Variants in DOCK11 observed in about 807,000 individuals in gnomAD.
DOCK11 encodes dedicator of cytokinesis 11, also known as dedicator of cytokinesis protein 11.
DOCK11 carries 70 observed loss-of-function variants against 169.1 expected under a neutral mutation model. That is an observed-to-expected ratio of 0.41 (90% CI 0.34 to 0.51). DOCK11 has a LOEUF of 0.51. DOCK11 is among the 20% of genes least tolerant of loss of function. The pLI, the probability that DOCK11 is intolerant of heterozygous loss-of-function variation, is 0.10. For synonymous variants in DOCK11, 529 were observed against 541.3 expected (o/e 0.98, Z 0.32); for missense variants, 1,166 against 1,538.8 (o/e 0.76, Z 4.05).
chrX:118,541,499 G>A (rs184633666), intron 1 of DOCK11, among the ~76,000 whole-genome samples: 9 of 111,948 alleles, frequency 8.0e-5, no homozygotes, highest in Admixed American at 3.8e-4. Context: ...AGTGGGTGCC[G>A]TCTTTGTGTA....
intron 20 of DOCK11, among the ~76,000 whole-genome samples, chrX:118,593,826 C>T (rs186402602): frequency 1.3e-4 from 14 of 111,929 alleles, no homozygotes; most frequent in Admixed American, 4.7e-4. Context: ...TTTAAAAGTT[C>T]ATTGGTAAAA....
At chrX:118,652,911 C>G (rs1185867458) in intron 42 of DOCK11, among the ~76,000 whole-genome samples, 1 of 112,106 alleles carries the variant, frequency 8.9e-6, no homozygotes, top group Non-Finnish European at 1.9e-5. Flanking sequence ...TGTGTAGAAT[C>G]TAAGTACCAA....
At chrX:118,496,468 A>G (rs752539386) in intron 1 of DOCK11, among the ~76,000 whole-genome samples, 13 of 112,821 alleles carry the variant, frequency 1.2e-4, no homozygotes, top group South Asian at 3.6e-4. Context: ...CCCTCCCGCG[A>G]GCACCTGAGG....
chrX:118,538,723 G>C (rs1374479772), intron 1 of DOCK11: 1 of 731,568 alleles, frequency 1.4e-6, no homozygotes, highest in East Asian at 1.5e-4. Flanking sequence ...ACGGGTTTTT[G>C]GAGTTATGAA....
chrX:118,511,550 A>T (rs776268287), intron 1 of DOCK11, among the ~76,000 whole-genome samples: 53 of 111,431 alleles, frequency 4.8e-4, no homozygotes, highest in African/African-American at 1.6e-3. Context: ...GGCTTATTTG[A>T]TTTTATTTTG....
intron 35 of DOCK11, among the ~76,000 whole-genome samples, chrX:118,636,142 T>A (rs1471082347): frequency 8.9e-6 from 1 of 111,908 alleles, no homozygotes; most frequent in Non-Finnish European, 1.9e-5. Context: ...GATGCTGAAC[T>A]AATTACCAAT....
At chrX:118,510,110 A>G (rs1422324439) in intron 1 of DOCK11, among the ~76,000 whole-genome samples, 2 of 111,968 alleles carry the variant, frequency 1.8e-5, no homozygotes, top group African/African-American at 6.5e-5. Context: ...GTAAAGTAAC[A>G]TATTCACAGG....
At chrX:118,565,726 A>G (rs936814594) in intron 7 of DOCK11, among the ~76,000 whole-genome samples, 1 of 111,811 alleles carries the variant, frequency 8.9e-6, no homozygotes, top group African/African-American at 3.3e-5. Context: ...AGGATGCCAA[A>G]AGGCCTTAAA....
intron 6 of DOCK11, among the ~76,000 whole-genome samples, chrX:118,554,721 A>G (rs1277072816): frequency 9.0e-6 from 1 of 111,642 alleles, no homozygotes; most frequent in Non-Finnish European, 1.9e-5. Context: ...AGTGAATCAG[A>G]AAGGAGAAAG....
At position 118,680,653 on chromosome X, in the gene DOCK11, T is replaced by C. The variant is rs761215018; in HGVS notation, c.5632T>C (p.Cys1878Arg). The C allele has an allele frequency of 3.3e-6, 4 of 1,206,655 alleles. No homozygotes were observed. In the African/African-American group the frequency reaches 7.0e-5, roughly 21 times the overall value. ...PYTLSGKKQGCIEEQCKRRTI... is the reference protein window; with the variant it reads ...PYTLSGKKQGRIEEQCKRRTI... ...CACTTTATCAGGCAAAAAACAGGGCTGTATAGAAGAACAGTGCAAACGCCG... is the reference window on the plus strand; with the variant it reads ...CACTTTATCAGGCAAAAAACAGGGCCGTATAGAAGAACAGTGCAAACGCCG... The change falls in exon 49 of 53, where the codon TGT becomes CGT. Residue 1878 changes from cysteine (C) to arginine (R), a missense_variant. Transcript: ENST00000276202.
chrX:118,525,827 AAAAAAG>A (rs1309801211), intron 1 of DOCK11, among the ~76,000 whole-genome samples: 1 of 111,637 alleles, frequency 9.0e-6, no homozygotes, highest in Non-Finnish European at 1.9e-5. Context: ...GAAAAGGAAA[AAAAAAG>A]AAAAAGAACG....
Position 118,643,512 on chromosome X carries a change from T to C in DOCK11, c.4316T>C (p.Ile1439Thr). The change falls in exon 40 of 53, where the codon ATA becomes ACA. Residue 1439 changes from isoleucine (I) to threonine (T), a missense_variant. Physicochemically the swap from Ile to Thr is moderately conservative, Grantham distance 89. Transcript: ENST00000276202. ...HNPLMKKVFDIHLAFLKNGQS... is the reference protein window; with the variant it reads ...HNPLMKKVFDTHLAFLKNGQS... Reference sequence around the variant, plus strand: ...CCATTAATGAAAAAAGTGTTTGATATACATCTTGCTTTTCTTAAAAATGGA... The same window carrying C: ...CCATTAATGAAAAAAGTGTTTGATACACATCTTGCTTTTCTTAAAAATGGA... The C allele has an allele frequency of 8.3e-7, 1 of 1,210,377 alleles. No individual in the cohort carries two copies. The highest frequency in any genetic ancestry group is 1.1e-6 in the Non-Finnish European group (1 of 894,411).
chrX:118,519,498 C>T lies in DOCK11; in HGVS notation c.103-23227C>T, dbSNP rs181176560. Reference sequence around the variant, plus strand: ...CTGGGAGGTGGAGGTTGCAGTGAACCACTGCACTCCAGCCTGTGCAACAGA... The same window carrying T: ...CTGGGAGGTGGAGGTTGCAGTGAACTACTGCACTCCAGCCTGTGCAACAGA... On this transcript the variant is annotated intron_variant, in intron 1 of 52. Coordinates refer to ENST00000276202, the MANE Select transcript of DOCK11 (RefSeq NM_144658.4). Among the ~76,000 whole-genome samples the T allele has an allele frequency of 1.8e-3, 198 of 111,976 alleles. 1 individual carries two copies. Among genetic ancestry groups the T allele is most frequent in the African/African-American group, 6.1e-3 (189 of 30,830 alleles).
chrX:118,662,540 A>G (rs1255532988), intron 44 of DOCK11, 146 bp from the exon 45 acceptor site: 1 of 403,608 alleles, frequency 2.5e-6, no homozygotes, highest in Non-Finnish European at 4.3e-6. Flanking sequence ...AAATTTAAAA[A>G]TTTTTGTAAG....
chrX:118,639,728 A>G, intron 38 of DOCK11, 151 bp downstream of exon 38: 1 of 589,706 alleles, frequency 1.7e-6, no homozygotes, highest in Admixed American at 4.4e-5. Context: ...TTAAATATGT[A>G]TGAAGAAAAG....
intron 14 of DOCK11, among the ~76,000 whole-genome samples, chrX:118,583,248 G>A (rs1049595881): frequency 9.0e-6 from 1 of 110,870 alleles, no homozygotes; most frequent in African/African-American, 3.3e-5. Flanking sequence ...TGGACATGGG[G>A]AAGGGAACAT....
At chrX:118,585,580 C>T (rs1023345895) in intron 16 of DOCK11, among the ~76,000 whole-genome samples, 5 of 105,827 alleles carry the variant, frequency 4.7e-5, no homozygotes, top group South Asian at 4.4e-4. Context: ...TCTGAGGTTC[C>T]GGGTGGACAT....
intron 18 of DOCK11, 73 bp from the exon 19 acceptor site, chrX:118,590,137 C>A: frequency 1.1e-6 from 1 of 936,120 alleles, no homozygotes; most frequent in Non-Finnish European, 1.5e-6. Context: ...ATGCCTCTAA[C>A]TATATGTGGT....
At chrX:118,556,062 T>TG (rs1449890817) in intron 6 of DOCK11, among the ~76,000 whole-genome samples, 15 of 108,222 alleles carry the variant, frequency 1.4e-4, no homozygotes, top group Non-Finnish European at 2.7e-4. Context: ...TTTTTTTTTT[T>TG]GACAGAGGAT....
Sources: gnomAD v4.1 joint callset for allele counts (sites outside exome capture counted in the v4.1 genomes callset) on GRCh38, gnomAD v4.1.1 for gene constraint, MANE v1.5 for transcripts, NCBI Gene and HGNC (gene_info 2026-07-23, HGNC 2026-07-21) for gene names.